Variants in SRGAP3 observed in about 807,000 individuals in gnomAD.
SRGAP3 encodes the protein SLIT-ROBO Rho GTPase activating protein 3.
Under a neutral mutation model 121.1 loss-of-function variants are expected in SRGAP3, and 39 were observed. The ratio of observed to expected loss-of-function variants is 0.32; its 90% CI spans 0.25 to 0.42. The LOEUF (loss-of-function observed/expected upper bound fraction) is 0.42, where lower values mean the gene tolerates loss of function less well. Among genes scored for constraint, SRGAP3 ranks in the 10% least tolerant of loss-of-function variants. The pLI is 1.00. For synonymous variants in SRGAP3, 601 were observed against 570.0 expected (o/e 1.05, Z -0.77); for missense variants, 1,213 against 1,470.6 (o/e 0.82, Z 2.86).
intron 1 of SRGAP3, among the ~76,000 whole-genome samples, chr3:9,139,419 AAAG>A (rs1355429940): frequency 2.0e-5 from 3 of 152,362 alleles, no homozygotes; most frequent in East Asian, 1.9e-4. Context: ...AGGGGAAAAA[AAAG>A]AAGATTTGTC....
rs775642646 is a variant in SRGAP3, at chr3:8,990,837, A to G, written c.2561T>C (p.Val854Ala). ...DYGFGGVMGR[V>A]RLRSDGAAIP... Reference sequence around the variant, plus strand: ...GGCTGCTCCATCAGATCGTAACCGCACTCTGCAAAGGAGCCAGGGGGCGAG... The same window carrying G: ...GGCTGCTCCATCAGATCGTAACCGCGCTCTGCAAAGGAGCCAGGGGGCGAG... The change falls in exon 21 of 22, where the codon GTG becomes GCG. Residue 854 changes from valine to alanine, a missense_variant and splice_region_variant. Val to Ala is a moderately conservative substitution (Grantham distance 64). Transcript: ENST00000383836. The G allele has an allele frequency of 2.6e-6, 4 of 1,534,426 alleles. No individual in the cohort carries two copies. The highest frequency in any genetic ancestry group is 4.6e-5 in the East Asian group (2 of 43,884).
intron 1 of SRGAP3, among the ~76,000 whole-genome samples, chr3:9,161,975 T>C (rs939813498): frequency 1.3e-5 from 2 of 152,234 alleles, no homozygotes; most frequent in Admixed American, 6.5e-5. Context: ...CATAGTGGAA[T>C]AGTCTTCATC....
At chr3:9,098,224 C>T (rs1300077970) in intron 3 of SRGAP3, among the ~76,000 whole-genome samples, 1 of 152,172 alleles carries the variant, frequency 6.6e-6, no homozygotes, top group Non-Finnish European at 1.5e-5. Flanking sequence ...ACTGGAAGCT[C>T]CTTGAGGGAG....
intron 3 of SRGAP3, among the ~76,000 whole-genome samples, chr3:9,322,394 T>C (rs1955452040): frequency 6.6e-6 from 1 of 151,762 alleles, no homozygotes; most frequent in African/African-American, 2.4e-5. Context: ...GTTAATAGCA[T>C]GTTCTATGAA....
rs929465933 is a variant in SRGAP3 at position 9,015,811 on chromosome 3, T to C, written c.1679-80A>G. ...CGTGCAGATGGCCGAAGAGATGACC[T>C]GGTCCAGCCTGAACCACAGGAAAGG... On this transcript the variant is annotated intron_variant, in intron 14 of 21. Transcript: ENST00000383836. 4.5e-6 allele frequency: 7 copies of C among 1,569,454 alleles called. No individual in the cohort carries two copies. In the Admixed American group the frequency reaches 1.2e-4, roughly 26 times the overall value.
At chr3:9,134,426 C>G (rs1476086197) in intron 1 of SRGAP3, among the ~76,000 whole-genome samples, 7 of 152,150 alleles carry the variant, frequency 4.6e-5, no homozygotes, top group Non-Finnish European at 1.0e-4. Flanking sequence ...GATGAACCAC[C>G]TGGTATGTTA....
intron 10 of SRGAP3, 143 bp downstream of exon 10, chr3:9,047,248 G>T: frequency 2.4e-6 from 2 of 821,762 alleles, no homozygotes; most frequent in Non-Finnish European, 4.0e-6. Flanking sequence ...GATTTTCCCA[G>T]CCTGCCCAGT....
rs959787232 is a variant in SRGAP3 at position 8,998,180 on chromosome 3, C to T, written c.2228-3657G>A. The stretch of plus-strand genomic sequence containing the variant: ...CTGGGATTACAGGCGTGAGCCACCA[C>T]CCCCAGCTACAGAGCCTTCTTGATG... On this transcript the variant is annotated intron_variant, in intron 18 of 21. Transcript: ENST00000383836. Among the ~76,000 whole-genome samples the T allele has an allele frequency of 8.4e-4, 128 of 152,296 alleles. 1 individual carries two copies. Among genetic ancestry groups the T allele is most frequent in the African/African-American group, 7.0e-4 (29 of 41,554 alleles).
chr3:9,236,579 TC>T (rs1053536438), intron 1 of SRGAP3, among the ~76,000 whole-genome samples: 28 of 149,968 alleles, frequency 1.9e-4, no homozygotes, highest in Middle Eastern at 3.4e-3. Flanking sequence ...GTGTGGCACT[TC>T]CCCCCCCCTC....
At chr3:9,273,221 G>C (rs1268939405) in intron 3 of SRGAP3, among the ~76,000 whole-genome samples, 1 of 152,162 alleles carries the variant, frequency 6.6e-6, no homozygotes, top group Non-Finnish European at 1.5e-5. Context: ...GATCTGATAG[G>C]AGGTGGAGCT....
At position 9,006,515 on chromosome 3, in the gene SRGAP3, C is replaced by T. The variant is rs530164533; in HGVS notation, c.2227+3793G>A. ...TCAAAAACCTCACCTTAATACACAA[C>T]GACATGGATGAATCTCAGAATATTA... is the stretch of plus-strand genomic sequence containing the variant. On this transcript the variant is annotated intron_variant, in intron 18 of 21. Transcript: ENST00000383836. Among the ~76,000 whole-genome samples the T allele has an allele frequency of 7.9e-5, 12 of 151,678 alleles. No individual in the cohort carries two copies. The East Asian group carries it at 1.7e-3, about 22-fold the overall frequency.
At chr3:9,355,774 T>C (rs1338903891) in intron 1 of SRGAP3, 1 of 152,226 alleles carries the variant, frequency 6.6e-6, no homozygotes, top group African/African-American at 2.4e-5. Flanking sequence ...ACAAGTAATT[T>C]ATAAAGTAAA....
At chr3:9,051,659 T>C (rs971022196) in intron 9 of SRGAP3, among the ~76,000 whole-genome samples, 2 of 151,020 alleles carry the variant, frequency 1.3e-5, no homozygotes, top group Non-Finnish European at 2.9e-5. Context: ...TTAGAACATA[T>C]GAATAGGAGC....
intron 1 of SRGAP3, among the ~76,000 whole-genome samples, chr3:9,129,598 T>A (rs1949364055): frequency 1.3e-5 from 2 of 151,804 alleles, no homozygotes; most frequent in African/African-American, 4.8e-5. Flanking sequence ...ACAGCAAATC[T>A]CAGATTGCCT....
At chr3:9,242,208 C>T (rs1021280531) in intron 1 of SRGAP3, among the ~76,000 whole-genome samples, 8 of 152,058 alleles carry the variant, frequency 5.3e-5, no homozygotes, top group Non-Finnish European at 5.9e-5. Flanking sequence ...GGAAGCAGGC[C>T]GTCACCAGGA....
At chr3:9,009,384 T>G (rs1451762894) in intron 18 of SRGAP3, among the ~76,000 whole-genome samples, 1 of 152,162 alleles carries the variant, frequency 6.6e-6, no homozygotes, top group Non-Finnish European at 1.5e-5. Context: ...TGGGCCGTAT[T>G]CTAACTTTCA....
intron 3 of SRGAP3, among the ~76,000 whole-genome samples, chr3:9,100,094 T>C (rs894104910): frequency 1.7e-4 from 26 of 152,236 alleles, no homozygotes; most frequent in African/African-American, 5.5e-4. Context: ...GGGAGAAATC[T>C]TTAAATGTTT....
intron 9 of SRGAP3, among the ~76,000 whole-genome samples, chr3:9,048,921 G>T (rs1945419925): frequency 6.6e-6 from 1 of 152,160 alleles, no homozygotes; most frequent in Non-Finnish European, 1.5e-5. Context: ...GCCTGAAGGA[G>T]GTAGAAAGGG....
chr3:9,149,087 G>A (rs1338852202), intron 1 of SRGAP3, among the ~76,000 whole-genome samples: 1 of 151,832 alleles, frequency 6.6e-6, no homozygotes, highest in African/African-American at 2.4e-5. Flanking sequence ...GGTGGCAGGC[G>A]CCTGTAATCC....
Sources: gnomAD v4.1 joint callset for allele counts (sites outside exome capture counted in the v4.1 genomes callset) on GRCh38, gnomAD v4.1.1 for gene constraint, MANE v1.5 for transcripts, NCBI Gene and HGNC (gene_info 2026-07-23, HGNC 2026-07-21) for gene names.